Variants in SPSB1 observed in about 807,000 individuals in gnomAD.
SPSB1 encodes the protein splA/ryanodine receptor domain and SOCS box containing 1, also known as SPRY domain-containing SOCS box protein 1.
In SPSB1, 8 loss-of-function variants were observed where a neutral mutation model predicts 21.2. That is an observed-to-expected ratio of 0.38 (90% CI 0.22 to 0.68). The LOEUF (loss-of-function observed/expected upper bound fraction) is 0.68, where lower values mean the gene tolerates loss of function less well. SPSB1 is among the 30% of genes least tolerant of loss of function. The pLI, the probability that SPSB1 is intolerant of heterozygous loss-of-function variation, is 0.53. For synonymous variants in SPSB1, 169 were observed against 161.7 expected (o/e 1.05, Z -0.34); for missense variants, 242 against 377.8 (o/e 0.64, Z 2.98).
rs1640169307 is a variant in SPSB1 at position 9,346,616 on chromosome 1, C to A, written c.-149-9127C>A. 6.6e-6 allele frequency among the ~76,000 whole-genome samples: 1 copy of A among 152,168 alleles called. No individual in the cohort carries two copies. Among genetic ancestry groups the A allele is most frequent in the Non-Finnish European group, 1.5e-5 (1 of 68,024 alleles). ...CAGGGTTGTGGCTTTAATTGAAACA[C>A]CATCGGGGGGTTGCCGGCAGGTGCT... On this transcript the variant is annotated intron_variant, in intron 1 of 2. Transcript: ENST00000328089. The surrounding 1 kb of genome is among the most constrained non-coding windows in gnomAD (Gnocchi z 4.4).
chr1:9,341,948 C>T (rs900142989), intron 1 of SPSB1, among the ~76,000 whole-genome samples: 3 of 152,080 alleles, frequency 2.0e-5, no homozygotes, highest in Admixed American at 6.5e-5. Context: ...GTGATCTGCC[C>T]GCCTCAGGGT....
intron 1 of SPSB1, among the ~76,000 whole-genome samples, chr1:9,320,535 T>C (rs1057222696): frequency 1.3e-5 from 2 of 152,200 alleles, no homozygotes; most frequent in African/African-American, 2.4e-5. Flanking sequence ...TTGTGTATAG[T>C]GGCCTCGCTC....
rs953270273 is a variant in SPSB1 at position 9,324,868 on chromosome 1, G to A, written c.-149-30875G>A. ...GTTCGCCTGGCCGTGGAGCCAGCAC[G>A]GTCTTGTCGGATCCAGACCAGACAA... On this transcript the variant is annotated intron_variant, in intron 1 of 2. Transcript: ENST00000328089. The surrounding 1 kb of genome is among the most constrained non-coding windows in gnomAD (Gnocchi z 4.3). Among the ~76,000 whole-genome samples, 2 of 152,246 alleles carry A rather than the reference G, an allele frequency of 1.3e-5. No individual in the cohort carries two copies. Among genetic ancestry groups the A allele is most frequent in the African/African-American group, 2.4e-5 (1 of 41,464 alleles).
rs546201485 is a variant in SPSB1 at position 9,305,945 on chromosome 1, A to G, written c.-150+12874A>G. Among the ~76,000 whole-genome samples the G allele has an allele frequency of 1.6e-4, 24 of 152,272 alleles. No individual in the cohort carries two copies. The highest frequency in any genetic ancestry group is 5.5e-4 in the African/African-American group (23 of 41,570). Reference sequence around the variant, plus strand: ...GCCCATGTGTGGCCAAAATGAGTGCAGAGAGGCAGGAGGGCCCACAGACCT... The same window carrying G: ...GCCCATGTGTGGCCAAAATGAGTGCGGAGAGGCAGGAGGGCCCACAGACCT... On this transcript the variant is annotated intron_variant, in intron 1 of 2. Coordinates refer to ENST00000328089, the MANE Select transcript of SPSB1 (RefSeq NM_025106.4). This position sits in a 1 kb window ranked among gnomAD's most constrained non-coding sequence, Gnocchi z 4.8.
rs1243438949 is a variant in SPSB1, at chr1:9,368,970, T to TAAG, written c.*1396_*1397insAGA. ...TCTTTGAGCTTGAAGTTAACTCTCT[T>TAAG]AGAGTCTAACTTTGGTTCATTTCTG... On this transcript the variant is annotated 3_prime_UTR_variant, in exon 3 of 3. Transcript: ENST00000328089. 2 of 152,576 alleles carry TAAG rather than the reference T, an allele frequency of 1.3e-5. No homozygotes were observed. The highest frequency in any genetic ancestry group is 1.3e-4 in the Admixed American group (2 of 15,276). The allele number at this position is 152,576 out of a possible 1,614,324, so 9.5% of individuals were successfully genotyped here.
chr1:9,316,764 G>A (rs952164126), intron 1 of SPSB1, among the ~76,000 whole-genome samples: 2 of 152,226 alleles, frequency 1.3e-5, no homozygotes, highest in Non-Finnish European at 1.5e-5. Context: ...GCGGCATTGG[G>A]TCTGGGTCTG....
Position 9,367,409 on chromosome 1 carries a change from C to A in SPSB1, c.695-39C>A. The A allele has an allele frequency of 6.2e-7, 1 of 1,612,584 alleles. No individual in the cohort carries two copies. Among genetic ancestry groups the A allele is most frequent in the Non-Finnish European group, 8.5e-7 (1 of 1,179,936 alleles). ...GTTAGCGCTGTTTGCTGAACACCCA[C>A]CCAAGCTGCGCTGACCTGCAGTTTC... On this transcript the variant is annotated intron_variant, in intron 2 of 2. Coordinates refer to ENST00000328089, the MANE Select transcript of SPSB1 (RefSeq NM_025106.4). This position sits in a 1 kb window ranked among gnomAD's most constrained non-coding sequence, Gnocchi z 5.9.
At chr1:9,322,342 G>A (rs1343321891) in intron 1 of SPSB1, among the ~76,000 whole-genome samples, 1 of 152,200 alleles carries the variant, frequency 6.6e-6, no homozygotes, top group African/African-American at 2.4e-5. Flanking sequence ...TAGCCGGTAA[G>A]GGCAGAGCTG....
chr1:9,326,624 C>T (rs941218301), intron 1 of SPSB1, among the ~76,000 whole-genome samples: 2 of 152,172 alleles, frequency 1.3e-5, no homozygotes, highest in Non-Finnish European at 2.9e-5. Context: ...GACCAGAGGC[C>T]TTGCTGAGGC....
rs1640628986 is a variant in SPSB1 at position 9,369,515 on chromosome 1, GT to G, written c.*1943del. ...ATAGTCAGTAACCTAATAAAGGAAC[GT>G]TTGTTAAAATATCAAACCATTTTTG... is the stretch of plus-strand genomic sequence containing the variant. On this transcript the variant is annotated 3_prime_UTR_variant, in exon 3 of 3. Transcript: ENST00000328089. 1 of 152,188 alleles carries G rather than the reference GT, an allele frequency of 6.6e-6. No individual in the cohort carries two copies. Among genetic ancestry groups the G allele is most frequent in the Non-Finnish European group, 1.5e-5 (1 of 68,042 alleles). The allele number at this position is 152,188 out of a possible 1,614,324, so 9.4% of individuals were successfully genotyped here. A position where few individuals can be genotyped will look rare whatever the true frequency, so the allele number is the denominator to read the frequency against.
At chr1:9,364,794 T>C (rs1344687914) in intron 2 of SPSB1, among the ~76,000 whole-genome samples, 1 of 152,166 alleles carries the variant, frequency 6.6e-6, no homozygotes, top group Non-Finnish European at 1.5e-5. Context: ...CTTTTGTTTA[T>C]TTATTTTTTC....
intron 2 of SPSB1, among the ~76,000 whole-genome samples, chr1:9,359,705 GAAAA>G (rs70979734): frequency 7.6e-6 from 1 of 131,184 alleles, no homozygotes; most frequent in Non-Finnish European, 1.6e-5. Flanking sequence ...CCGTCTCTGG[GAAAA>G]AAAAAAAAAA....
Position 9,320,241 on chromosome 1 carries a change from CA to C in SPSB1, c.-150+27171del, listed in dbSNP as rs1311665413. Among the ~76,000 whole-genome samples, 3 of 152,206 alleles carry C rather than the reference CA, an allele frequency of 2.0e-5. No homozygotes were observed. The East Asian group carries it at 5.8e-4, about 29-fold the overall frequency. On this transcript the variant is annotated intron_variant, in intron 1 of 2. Coordinates refer to ENST00000328089, the MANE Select transcript of SPSB1 (RefSeq NM_025106.4). Reference sequence around the variant, plus strand: ...ACTGTGTGCCAAGCATTGTTCTAGGCAGGGGGTTGCAGCTCGACCAAGACAG... The same window carrying C: ...ACTGTGTGCCAAGCATTGTTCTAGGCGGGGGTTGCAGCTCGACCAAGACAG...
At chr1:9,336,656 C>A (rs550815755) in intron 1 of SPSB1, among the ~76,000 whole-genome samples, 1 of 152,218 alleles carries the variant, frequency 6.6e-6, no homozygotes, top group Non-Finnish European at 1.5e-5. Flanking sequence ...CCTGAGTTCA[C>A]CCGTGGCGCT....
chr1:9,306,718 A>G (rs1243180270), intron 1 of SPSB1, among the ~76,000 whole-genome samples: 1 of 152,082 alleles, frequency 6.6e-6, no homozygotes, highest in Non-Finnish European at 1.5e-5. Flanking sequence ...GATCCGAGAG[A>G]TAGGTCAGCA....
intron 1 of SPSB1, among the ~76,000 whole-genome samples, chr1:9,314,511 C>A (rs1290553842): frequency 6.6e-6 from 1 of 152,210 alleles, no homozygotes; most frequent in Non-Finnish European, 1.5e-5. Context: ...CGTTCATCAC[C>A]AAATGGAGAG....
intron 2 of SPSB1, among the ~76,000 whole-genome samples, chr1:9,359,705 G>GAA (rs70979734): frequency 0.12 from 15,818 of 130,966 alleles, 1,133 homozygotes; most frequent in Middle Eastern, 0.19. Context: ...CCGTCTCTGG[G>GAA]AAAAAAAAAA....
intron 2 of SPSB1, among the ~76,000 whole-genome samples, chr1:9,362,972 C>T (rs557448174): frequency 1.3e-5 from 2 of 152,340 alleles, no homozygotes; most frequent in South Asian, 2.1e-4. Context: ...TGCCCACCCC[C>T]TCGGTAGATT....
At position 9,367,444 on chromosome 1, in the gene SPSB1, C is replaced by T. The variant is rs772258094; in HGVS notation, c.695-4C>T. 1 of 1,613,494 alleles carries T rather than the reference C, an allele frequency of 6.2e-7. No individual in the cohort carries two copies. The highest frequency in any genetic ancestry group is 8.5e-7 in the Non-Finnish European group (1 of 1,179,956). On this transcript the variant is annotated splice_region_variant and splice_polypyrimidine_tract_variant and intron_variant, in intron 2 of 2. Transcript: ENST00000328089. The surrounding 1 kb of genome is among the most constrained non-coding windows in gnomAD (Gnocchi z 5.9). ...GCTGACCTGCAGTTTCTCTGTCTCC[C>T]CAGCCGAGCCGCTGCCGCTCATGGA... is the stretch of plus-strand genomic sequence containing the variant.
Sources: gnomAD v4.1 joint callset for allele counts (sites outside exome capture counted in the v4.1 genomes callset) on GRCh38, gnomAD v4.1.1 for gene constraint, Gnocchi (gnomAD v3.1) non-coding constraint, MANE v1.5 for transcripts, NCBI Gene and HGNC (gene_info 2026-07-23, HGNC 2026-07-21) for gene names.